CSMD1: variants seen among roughly 807,000 people sequenced by gnomAD.
CSMD1 encodes the protein CUB and Sushi multiple domains 1, also known as CUB and sushi domain-containing protein 1.
Under a neutral mutation model 417.5 loss-of-function variants are expected in CSMD1, and 213 were observed. The observed-to-expected ratio is 0.51, with a 90% CI of 0.46 to 0.57. The LOEUF (loss-of-function observed/expected upper bound fraction) is 0.57. Ranked by LOEUF, CSMD1 falls within the 20% of genes least tolerant of loss-of-function variation. The pLI is 0.00. For synonymous variants in CSMD1, 2,862 were observed against 1,736.8 expected (o/e 1.65, Z -16.11); for missense variants, 6,923 against 4,529.7 (o/e 1.53, Z -15.17).
chr8:4,078,071 G>T (rs1197247816), intron 3 of CSMD1, among the ~76,000 whole-genome samples: 1 of 152,084 alleles, frequency 6.6e-6, no homozygotes, highest in Non-Finnish European at 1.5e-5. Flanking sequence ...ATGTTTGTAA[G>T]AAATGCCTAC....
At chr8:3,727,717 G>T (rs1229364796) in intron 6 of CSMD1, among the ~76,000 whole-genome samples, 1 of 152,166 alleles carries the variant, frequency 6.6e-6, no homozygotes, top group African/African-American at 2.4e-5. Flanking sequence ...CAGAAAGACT[G>T]TCCATAAACA....
At chr8:4,965,518 G>A (rs892617182) in intron 1 of CSMD1, among the ~76,000 whole-genome samples, 4 of 152,176 alleles carry the variant, frequency 2.6e-5, no homozygotes, top group Non-Finnish European at 5.9e-5. Flanking sequence ...ACTTCGCAAT[G>A]GGGCATGTGG....
intron 18 of CSMD1, among the ~76,000 whole-genome samples, chr8:3,371,047 T>C (rs1297783101): frequency 1.3e-5 from 2 of 152,228 alleles, no homozygotes; most frequent in Non-Finnish European, 2.9e-5. Context: ...CTCTTGACCC[T>C]GACTTCAGAG....
At chr8:4,157,007 G>C (rs543808683) in intron 3 of CSMD1, among the ~76,000 whole-genome samples, 27 of 152,150 alleles carry the variant, frequency 1.8e-4, no homozygotes, top group Non-Finnish European at 3.7e-4. Flanking sequence ...TTAAGTAGGG[G>C]TGGTGGCCAG....
chr8:3,785,882 T>A lies in CSMD1; in HGVS notation c.819-31840A>T, dbSNP rs566385666. ...CAATTAAAGAGGGATATGTCATGTT[T>A]GTGTCTAAACATTAACAAGATTTCT... is the stretch of plus-strand genomic sequence containing the variant. On this transcript the variant is annotated intron_variant, in intron 5 of 69. Transcript: ENST00000635120. Among the ~76,000 whole-genome samples the A allele has an allele frequency of 3.3e-4, 50 of 152,350 alleles. No individual in the cohort carries two copies. The South Asian group carries it at 9.1e-3, about 28-fold the overall frequency.
At chr8:4,331,667 T>A (rs530334988) in intron 3 of CSMD1, among the ~76,000 whole-genome samples, 38 of 152,118 alleles carry the variant, frequency 2.5e-4, no homozygotes, top group Non-Finnish European at 2.2e-4. Context: ...AAGGTAGCCA[T>A]CCCAGAGGCC....
rs1796365164 is a variant in CSMD1, at chr8:4,274,541, G to C, written c.415+145412C>G. Among the ~76,000 whole-genome samples the C allele has an allele frequency of 3.3e-5, 5 of 151,862 alleles. No homozygotes were observed. In the South Asian group the frequency reaches 1.0e-3, roughly 32 times the overall value. ...GTTTAGTCCACAAATTATAGTAAGA[G>C]GTCTGTGTTTATAGGGAAGGCCTTC... On this transcript the variant is annotated intron_variant, in intron 3 of 69. Coordinates refer to ENST00000635120, the MANE Select transcript of CSMD1 (RefSeq NM_033225.6).
intron 3 of CSMD1, among the ~76,000 whole-genome samples, chr8:4,055,329 TTA>T (rs1798636638): frequency 6.6e-6 from 1 of 152,160 alleles, no homozygotes; most frequent in Non-Finnish European, 1.5e-5. Context: ...TAATAAATTT[TTA>T]TAGATTACAA....
Position 3,120,380 on chromosome 8 carries a change from T to C in CSMD1, c.6242-1793A>G, listed in dbSNP as rs116285731. ...GACAGCAACCAGGCAACGCAATATG[T>C]GGGCCTACAGCGTGGCCTTGGCGTT... On this transcript the variant is annotated intron_variant, in intron 41 of 69. Coordinates refer to ENST00000635120, the MANE Select transcript of CSMD1 (RefSeq NM_033225.6). Among the ~76,000 whole-genome samples the C allele has an allele frequency of 6.7e-3, 1,016 of 152,348 alleles. 13 individuals carry two copies. Among genetic ancestry groups the C allele is most frequent in the African/African-American group, 0.023 (968 of 41,582 alleles).
chr8:4,300,517 T>G (rs975726702), intron 3 of CSMD1, among the ~76,000 whole-genome samples: 1 of 152,306 alleles, frequency 6.6e-6, no homozygotes, highest in African/African-American at 2.4e-5. Flanking sequence ...GGAAATGTCC[T>G]TTACAGACTT....
chr8:3,673,775 G>A (rs570090458), intron 7 of CSMD1, among the ~76,000 whole-genome samples: 1 of 152,196 alleles, frequency 6.6e-6, no homozygotes, highest in Non-Finnish European at 1.5e-5. Context: ...AAAGCATGAA[G>A]GTGCAAACCT....
chr8:3,740,475 C>A (rs2720836), intron 6 of CSMD1, among the ~76,000 whole-genome samples: 141,583 of 152,126 alleles, frequency 0.93, 66,759 homozygotes, highest in Non-Finnish European at 1. Flanking sequence ...GAAGTGGGAG[C>A]CATCCTTCTG....
chr8:3,895,161 T>G (rs181875893), intron 5 of CSMD1, among the ~76,000 whole-genome samples: 29 of 152,332 alleles, frequency 1.9e-4, no homozygotes, highest in African/African-American at 6.3e-4. Context: ...TCCAAATCAC[T>G]AATTCAGAGA....
intron 1 of CSMD1, among the ~76,000 whole-genome samples, chr8:4,806,781 C>T (rs1356974086): frequency 1.3e-5 from 2 of 152,056 alleles, no homozygotes; most frequent in Non-Finnish European, 2.9e-5. Flanking sequence ...AAAATCTAGT[C>T]CTGTGACAAC....
intron 11 of CSMD1, among the ~76,000 whole-genome samples, chr8:3,476,493 T>C (rs10100145): frequency 0.61 from 91,968 of 151,942 alleles, 28,587 homozygotes; most frequent in Middle Eastern, 0.73. Flanking sequence ...GTATATTTAC[T>C]ATCATATGAA....
At chr8:4,858,284 T>C (rs1230069024) in intron 1 of CSMD1, among the ~76,000 whole-genome samples, 2 of 151,516 alleles carry the variant, frequency 1.3e-5, no homozygotes, top group Non-Finnish European at 2.9e-5. Flanking sequence ...AAAAGCTATC[T>C]ATGACAAACC....
At chr8:3,167,882 A>C (rs1020895629) in intron 37 of CSMD1, among the ~76,000 whole-genome samples, 4 of 152,226 alleles carry the variant, frequency 2.6e-5, no homozygotes, top group African/African-American at 9.6e-5. Context: ...GTTTGCTTAA[A>C]TCTTCCAGAT....
intron 26 of CSMD1, among the ~76,000 whole-genome samples, chr8:3,279,345 G>T (rs1436756744): frequency 6.6e-6 from 1 of 152,200 alleles, no homozygotes; most frequent in Non-Finnish European, 1.5e-5. Flanking sequence ...TTTAAAAATA[G>T]ACTGGTATTG....
chr8:4,070,265 C>G (rs977113209), intron 3 of CSMD1, among the ~76,000 whole-genome samples: 3 of 152,082 alleles, frequency 2.0e-5, no homozygotes, highest in Non-Finnish European at 4.4e-5. Context: ...GCAATTCAAA[C>G]TCTAAAACAT....
Sources: gnomAD v4.1 joint callset for allele counts (sites outside exome capture counted in the v4.1 genomes callset) on GRCh38, gnomAD v4.1.1 for gene constraint, MANE v1.5 for transcripts, NCBI Gene and HGNC (gene_info 2026-07-23, HGNC 2026-07-21) for gene names.